Variants in GTSE1 observed in about 807,000 individuals in gnomAD.
GTSE1 encodes G2 and S-phase expressed 1.
Under a neutral mutation model 60.5 loss-of-function variants are expected in GTSE1, and 52 were observed. The observed-to-expected ratio is 0.86, with a 90% CI of 0.69 to 1.08. The LOEUF is 1.08. Ranked by LOEUF, GTSE1 falls within the 50% of genes least tolerant of loss-of-function variation. The pLI is 0.00. For synonymous variants in GTSE1, 368 were observed against 386.5 expected, an observed-to-expected ratio of 0.95 and a Z score of 0.56; for missense variants, 937 against 961.8, an observed-to-expected ratio of 0.97 and a Z score of 0.34.
rs1225099358 is a variant in GTSE1, at chr22:46,316,890, G to A, written c.1432+478G>A. ...TCTTGACGTTGTCTCACAGGACACC[G>A]AAGCTCTGTTCTTTTTTTTATTTCA... is the stretch of plus-strand genomic sequence containing the variant. On this transcript the variant is annotated intron_variant, in intron 7 of 11. Transcript: ENST00000454366. This position sits in a 1 kb window ranked among gnomAD's most constrained non-coding sequence, Gnocchi z 5.0. Among the ~76,000 whole-genome samples the A allele has an allele frequency of 6.6e-6, 1 of 151,926 alleles. No homozygotes were observed. Among genetic ancestry groups the A allele is most frequent in the Non-Finnish European group, 1.5e-5 (1 of 67,968 alleles).
chr22:46,322,541 A>G (rs906379179), intron 7 of GTSE1, among the ~76,000 whole-genome samples: 1 of 152,138 alleles, frequency 6.6e-6, no homozygotes, highest in African/African-American at 2.4e-5. Context: ...CCATGGAGCC[A>G]GTGTCTGGGG....
chr22:46,306,603 C>A (rs1335508564), intron 2 of GTSE1, among the ~76,000 whole-genome samples: 10 of 152,202 alleles, frequency 6.6e-5, no homozygotes. Context: ...GCCTCAGCCT[C>A]CCCAGTAGCT....
rs755568183 is a variant in GTSE1, at chr22:46,330,346, G to A, written c.*216G>A. The A allele has an allele frequency of 8.1e-6, 4 of 492,204 alleles. No individual in the cohort carries two copies. Among genetic ancestry groups the A allele is most frequent in the Middle Eastern group, 5.7e-4 (1 of 1,768 alleles). 30.5% of individuals were successfully genotyped at this position (492,204 alleles called of 1,614,324 possible). ...AAAATACAAAAATTAGCCGGGTGTGGTAGTGCATGCCTGTAGTCCCAGCTA... is the reference window on the plus strand; with the variant it reads ...AAAATACAAAAATTAGCCGGGTGTGATAGTGCATGCCTGTAGTCCCAGCTA... On this transcript the variant is annotated 3_prime_UTR_variant, in exon 12 of 12. Transcript: ENST00000454366. This position sits in a 1 kb window ranked among gnomAD's most constrained non-coding sequence, Gnocchi z 6.0.
Position 46,316,066 on chromosome 22 carries a change from T to A in GTSE1, c.1086T>A (p.Asn362Lys). ...GTGAATTTGCAAGTATTCCTGCAAA[T>A]AGCTCCCGGCCTCTGTCAAACATCA... ...KSSEFASIPA[N>K]SSRPLSNISK... The change falls in exon 7 of 12, where the codon AAT (asparagine) becomes AAA (lysine). Residue 362 changes from asparagine to lysine, a missense_variant. Asn to Lys is a moderately conservative substitution (Grantham distance 94, BLOSUM62 0). Coordinates refer to ENST00000454366, the MANE Select transcript of GTSE1 (RefSeq NM_016426.7). This position sits in a 1 kb window ranked among gnomAD's most constrained non-coding sequence, Gnocchi z 5.0. 2 of 1,518,542 alleles carry A rather than the reference T, an allele frequency of 1.3e-6. No homozygotes were observed. Among genetic ancestry groups the A allele is most frequent in the Non-Finnish European group, 1.8e-6 (2 of 1,132,616 alleles). The allele number at this position is 1,518,542 out of a possible 1,614,324, so 94.1% of individuals were successfully genotyped here. A position where few individuals can be genotyped will look rare whatever the true frequency, so the allele number is the denominator to read the frequency against.
At chr22:46,301,024 A>AT (rs1183936258) in intron 2 of GTSE1, among the ~76,000 whole-genome samples, 1 of 152,132 alleles carries the variant, frequency 6.6e-6, no homozygotes, top group Non-Finnish European at 1.5e-5. Context: ...CCTGTCCTGA[A>AT]TCTTGTTTTT....
rs996575052 is a variant in GTSE1 at position 46,319,439 on chromosome 22, A to C, written c.1432+3027A>C. Among the ~76,000 whole-genome samples the C allele has an allele frequency of 1.3e-5, 2 of 152,130 alleles. No individual in the cohort carries two copies. Among genetic ancestry groups the C allele is most frequent in the Non-Finnish European group, 2.9e-5 (2 of 68,012 alleles). On this transcript the variant is annotated intron_variant, in intron 7 of 11. Transcript: ENST00000454366. This position sits in a 1 kb window ranked among gnomAD's most constrained non-coding sequence, Gnocchi z 5.0. ...GGTCTGCCTGACGTTCTGGTAGCTT[A>C]GGGCTCATGTGGCAGTGCAGAGAGG...
In GTSE1 at chr22:46,312,233, G is replaced by T. The variant is rs749506319; in HGVS notation, c.855G>T (p.Pro285=). 6.2e-6 allele frequency: 10 copies of T among 1,614,032 alleles called. No homozygotes were observed. Among genetic ancestry groups the T allele is most frequent in the Non-Finnish European group, 8.5e-6 (10 of 1,180,026 alleles). The change falls in exon 5 of 12, where the codon CCG becomes CCT. Residue 285 remains proline (P), a synonymous_variant. Coordinates refer to ENST00000454366, the MANE Select transcript of GTSE1 (RefSeq NM_016426.7). ...ATGTTCTCCCTGACAAACCTGCCCC[G>T]GGTGCTGTCAATGTGCCGGCCGCCG... ...HRDVLPDKPA[P]GAVNVPAAGS...
At chr22:46,306,732 C>T (rs2077717661) in intron 2 of GTSE1, among the ~76,000 whole-genome samples, 1 of 152,146 alleles carries the variant, frequency 6.6e-6, no homozygotes, top group African/African-American at 2.4e-5. Flanking sequence ...AAATCATCTG[C>T]CTGCCTCAGC....
rs1429286446 is a variant in GTSE1 at position 46,320,457 on chromosome 22, A to G, written c.1433-2733A>G. On this transcript the variant is annotated intron_variant, in intron 7 of 11. Transcript: ENST00000454366. This position sits in a 1 kb window ranked among gnomAD's most constrained non-coding sequence, Gnocchi z 7.1. ...GGAGCAGCCACGCTGTTGGGAACAC[A>G]CAGCTCTGGGAGGCACGTGGTGGTG... Among the ~76,000 whole-genome samples, 1 of 152,166 alleles carries G rather than the reference A, an allele frequency of 6.6e-6. No homozygotes were observed. Among genetic ancestry groups the G allele is most frequent in the East Asian group, 1.9e-4 (1 of 5,180 alleles).
chr22:46,297,111 C>G lies in GTSE1; in HGVS notation c.-22+180C>G, dbSNP rs980120374. On this transcript the variant is annotated intron_variant, in intron 1 of 11. Coordinates refer to ENST00000454366, the MANE Select transcript of GTSE1 (RefSeq NM_016426.7). This position sits in a 1 kb window ranked among gnomAD's most constrained non-coding sequence, Gnocchi z 4.9. ...GATGCCGGGAGGTCTAGGGCTGCCC[C>G]CCAGGCAAACAGAGCCCCCAACACT... is the stretch of plus-strand genomic sequence containing the variant. Among the ~76,000 whole-genome samples the G allele has an allele frequency of 2.6e-5, 4 of 152,206 alleles. No individual in the cohort carries two copies. The highest frequency in any genetic ancestry group is 4.4e-5 in the Non-Finnish European group (3 of 68,028).
At position 46,329,145 on chromosome 22, in the gene GTSE1, T is replaced by C. The variant is rs1026945219; in HGVS notation, c.1927-213T>C. ...CGGGAAGCAGGGTGGCAGGAGCTGG[T>C]GGCTGCTGGTGAGCGGGTATGGACA... On this transcript the variant is annotated intron_variant, in intron 10 of 11. Transcript: ENST00000454366. This position sits in a 1 kb window ranked among gnomAD's most constrained non-coding sequence, Gnocchi z 6.4. The C allele has an allele frequency of 1.0e-4, 64 of 630,454 alleles. No individual in the cohort carries two copies. Among genetic ancestry groups the C allele is most frequent in the Non-Finnish European group, 1.7e-4 (59 of 357,162 alleles). The allele number at this position is 630,454 out of a possible 1,614,324, so 39.1% of individuals were successfully genotyped here.
chr22:46,316,228 A>G lies in GTSE1; in HGVS notation c.1248A>G (p.Ala416=), dbSNP rs1220836131. The G allele has an allele frequency of 1.2e-6, 2 of 1,613,646 alleles. No individual in the cohort carries two copies. Among genetic ancestry groups the G allele is most frequent in the South Asian group, 2.2e-5 (2 of 91,076 alleles). ...AAEQLTAPPS[A]SPTQPQTPEG... ...AGCAGCTCACGGCACCCCCCTCAGC[A>G]TCCCCCACCCAACCCCAGACTCCGG... The change falls in exon 7 of 12, where the codon GCA becomes GCG. Residue 416 remains alanine (A), a synonymous_variant. Coordinates refer to ENST00000454366, the MANE Select transcript of GTSE1 (RefSeq NM_016426.7). The surrounding 1 kb of genome is among the most constrained non-coding windows in gnomAD (Gnocchi z 5.0).
intron 2 of GTSE1, among the ~76,000 whole-genome samples, chr22:46,306,985 G>A (rs2077718826): frequency 6.6e-6 from 1 of 152,216 alleles, no homozygotes; most frequent in African/African-American, 2.4e-5. Context: ...CCATAGAAGG[G>A]TCAAGAGGCA....
At position 46,330,278 on chromosome 22, in the gene GTSE1, C is replaced by A. The variant is rs1054680270; in HGVS notation, c.*148C>A. On this transcript the variant is annotated 3_prime_UTR_variant, in exon 12 of 12. Coordinates refer to ENST00000454366, the MANE Select transcript of GTSE1 (RefSeq NM_016426.7). This position sits in a 1 kb window ranked among gnomAD's most constrained non-coding sequence, Gnocchi z 6.0. ...GGCGGATTACTTGAGCCCAGGAGTT[C>A]GGGACCAGCCTGGGAAATATAGTGA... is the stretch of plus-strand genomic sequence containing the variant. The A allele has an allele frequency of 1.3e-5, 8 of 604,836 alleles. No homozygotes were observed. In the East Asian group the frequency reaches 2.3e-4, roughly 17 times the overall value. The allele number at this position is 604,836 out of a possible 1,614,324, so 37.5% of individuals were successfully genotyped here.
chr22:46,305,952 T>G (rs540156207), intron 2 of GTSE1, among the ~76,000 whole-genome samples: 13 of 152,174 alleles, frequency 8.5e-5, no homozygotes, highest in Admixed American at 3.9e-4. Flanking sequence ...GAAAATTATC[T>G]CTTTCAGCCA....
chr22:46,308,494 G>T lies in GTSE1; in HGVS notation c.313G>T (p.Ala105Ser). 1 of 1,614,210 alleles carries T rather than the reference G, an allele frequency of 6.2e-7. No individual in the cohort carries two copies. The highest frequency in any genetic ancestry group is 8.5e-7 in the Non-Finnish European group (1 of 1,180,028). The change falls in exon 4 of 12, where the codon GCT (alanine) becomes TCT (serine). Residue 105 changes from alanine (A) to serine (S), a missense_variant. Ala to Ser is a moderately conservative substitution (Grantham distance 99, BLOSUM62 1). Coordinates refer to ENST00000454366, the MANE Select transcript of GTSE1 (RefSeq NM_016426.7). ...GEKFVEVYKE[A>S]HLLALHIESS... ...GAAGTTCGTGGAGGTGTACAAAGAA[G>T]CTCACTTACTGGCTTTACACATTGA...
In GTSE1 at chr22:46,315,916, T is replaced by C. The variant is rs1455542402; in HGVS notation, c.1052-116T>C. 2.3e-5 allele frequency: 19 copies of C among 820,248 alleles called. 2 individuals carry two copies. The East Asian group carries it at 5.0e-4, about 22-fold the overall frequency. The allele number at this position is 820,248 out of a possible 1,614,324, so 50.8% of individuals were successfully genotyped here. A position where few individuals can be genotyped will look rare whatever the true frequency, so the allele number is the denominator to read the frequency against. ...TGTTGCCTGAAGGGCTTATAGAATA[T>C]TGTTAATGTGTCTTATGTTTAAGGT... On this transcript the variant is annotated intron_variant, in intron 6 of 11. Transcript: ENST00000454366.
intron 4 of GTSE1, among the ~76,000 whole-genome samples, chr22:46,311,185 C>T (rs887050384): frequency 6.6e-6 from 1 of 152,090 alleles, no homozygotes; most frequent in Non-Finnish European, 1.5e-5. Context: ...TCAAGCAGTC[C>T]TCCTGTCTCA....
chr22:46,299,154 C>T (rs895314768), intron 2 of GTSE1, among the ~76,000 whole-genome samples: 15 of 152,218 alleles, frequency 9.9e-5, no homozygotes, highest in Non-Finnish European at 1.9e-4. Flanking sequence ...GAGTCCAAGA[C>T]GCTCTTGGTT....
Sources: allele counts gnomAD v4.1 joint callset (sites outside exome capture counted in the v4.1 genomes callset), GRCh38; gene constraint gnomAD v4.1.1; non-coding constraint Gnocchi (gnomAD v3.1); transcripts MANE v1.5; gene names NCBI Gene and HGNC (gene_info 2026-07-23, HGNC 2026-07-21).